Variants in PCDHA1 observed in about 807,000 individuals in gnomAD.
PCDHA1 encodes protocadherin alpha 1.
PCDHA1 carries 42 observed loss-of-function variants against 61.3 expected under a neutral mutation model. The observed-to-expected ratio is 0.69, with a 90% CI of 0.54 to 0.89. PCDHA1 has a LOEUF of 0.89. Ranked by LOEUF, PCDHA1 falls within the 40% of genes least tolerant of loss-of-function variation. PCDHA1 has a pLI of 0.00. For synonymous variants in PCDHA1, 610 were observed against 553.8 expected (o/e 1.10, Z -1.43); for missense variants, 1,256 against 1,235.3 (o/e 1.02, Z -0.25).
At chr5:140,802,838 C>T (rs782310533) in intron 1 of PCDHA1, 9 of 1,613,612 alleles carry the variant, frequency 5.6e-6, no homozygotes, top group Admixed American at 1.7e-5. Flanking sequence ...CTCTGGGCAG[C>T]AACGTGACGC....
intron 1 of PCDHA1, chr5:140,842,788 G>C: frequency 6.3e-7 from 1 of 1,594,522 alleles, no homozygotes; most frequent in Non-Finnish European, 8.6e-7. Context: ...AGAACGCGCT[G>C]GTGTCCTACT....
At chr5:140,918,510 A>G (rs1224635164) in intron 1 of PCDHA1, among the ~76,000 whole-genome samples, 1 of 152,144 alleles carries the variant, frequency 6.6e-6, no homozygotes, top group Non-Finnish European at 1.5e-5. Flanking sequence ...ATCCTTTTAA[A>G]CTTATTGAGG....
intron 1 of PCDHA1, chr5:140,966,584 G>C (rs1227691524): frequency 7.4e-6 from 4 of 541,586 alleles, no homozygotes; most frequent in African/African-American, 6.0e-5. Context: ...CAGCGAGGAC[G>C]GTGGGGCCAG....
At chr5:140,904,519 A>C (rs576512079) in intron 1 of PCDHA1, among the ~76,000 whole-genome samples, 2 of 152,174 alleles carry the variant, frequency 1.3e-5, no homozygotes, top group Non-Finnish European at 2.9e-5. Context: ...GTGCTGCTAT[A>C]AACTTGTGTG....
chr5:140,932,101 T>G (rs1281828369), intron 1 of PCDHA1, among the ~76,000 whole-genome samples: 6 of 151,958 alleles, frequency 3.9e-5, no homozygotes, highest in Non-Finnish European at 8.8e-5. Context: ...TTTTTATCTC[T>G]GTATTTCCAA....
intron 1 of PCDHA1, among the ~76,000 whole-genome samples, chr5:140,925,950 A>G (rs2082820493): frequency 6.6e-6 from 1 of 152,030 alleles, no homozygotes. Flanking sequence ...GGAGAAGGAG[A>G]AACTGCTATC....
intron 1 of PCDHA1, chr5:140,856,230 G>C (rs17844339): frequency 1.3e-6 from 2 of 1,597,950 alleles, no homozygotes; most frequent in African/African-American, 1.3e-5. Flanking sequence ...CTGGTGCAGC[G>C]CCTGTTCCGG....
intron 1 of PCDHA1, among the ~76,000 whole-genome samples, chr5:140,923,820 C>T (rs892649324): frequency 5.3e-4 from 80 of 152,224 alleles, no homozygotes; most frequent in African/African-American, 1.6e-3. Context: ...TGAAAATAGA[C>T]GTCAGTGGCA....
intron 1 of PCDHA1, among the ~76,000 whole-genome samples, chr5:140,924,894 C>CAAAAAAA (rs782133089): frequency 2.8e-5 from 2 of 71,470 alleles, no homozygotes; most frequent in African/African-American, 8.5e-5. Flanking sequence ...GAACCTGTCT[C>CAAAAAAA]AAAAAAAAAA....
intron 1 of PCDHA1, among the ~76,000 whole-genome samples, chr5:140,955,135 G>A (rs114298661): frequency 0.017 from 2,539 of 152,204 alleles, 31 homozygotes; most frequent in Middle Eastern, 0.034. Flanking sequence ...TGGTCTACAC[G>A]TCTGTTTTTG....
At chr5:140,900,512 G>T (rs1191935182) in intron 1 of PCDHA1, among the ~76,000 whole-genome samples, 4 of 152,300 alleles carry the variant, frequency 2.6e-5, no homozygotes, top group Middle Eastern at 3.4e-3. Context: ...CCCAGCCTCA[G>T]GTGATCTGCC....
In PCDHA1 at chr5:140,787,321, A is replaced by G. The variant is rs782569766; in HGVS notation, c.1031A>G (p.Asn344Ser). The G allele has an allele frequency of 5.6e-6, 9 of 1,614,172 alleles. No individual in the cohort carries two copies. Among genetic ancestry groups the G allele is most frequent in the Non-Finnish European group, 5.9e-6 (7 of 1,179,994 alleles). ...CKVLVKVLDVNDNAPELAVTS... is the reference protein window; with the variant it reads ...CKVLVKVLDVSDNAPELAVTS... ...GTTTTGGTGAAAGTGCTGGATGTAA[A>G]TGATAATGCTCCAGAACTGGCGGTC... The change falls in exon 1 of 4, where the codon AAT becomes AGT. Residue 344 changes from asparagine (N) to serine (S), a missense_variant. By Grantham distance (46) the Asn-to-Ser change is conservative. Coordinates refer to ENST00000504120, the MANE Select transcript of PCDHA1 (RefSeq NM_018900.4).
Position 140,928,044 on chromosome 5 carries a change from T to C in PCDHA1, c.2395-50905T>C, listed in dbSNP as rs782342331. The C allele has an allele frequency of 4.6e-5, 75 of 1,614,078 alleles. 1 individual carries two copies. The highest frequency in any genetic ancestry group is 3.0e-4 in the Admixed American group (18 of 60,006). On this transcript the variant is annotated intron_variant, in intron 1 of 3. Transcript: ENST00000504120. The stretch of plus-strand genomic sequence containing the variant: ...TTTGTGGCATGTCTAGTGCAGGCCC[T>C]TTTCAGCTGACGGCTTCCTTTGACA...
intron 3 of PCDHA1, among the ~76,000 whole-genome samples, chr5:140,997,754 G>A (rs1450156263): frequency 6.6e-6 from 1 of 151,922 alleles, no homozygotes; most frequent in Non-Finnish European, 1.5e-5. Context: ...ATCTTCTTGA[G>A]TAAGGATATA....
intron 1 of PCDHA1, chr5:140,841,783 A>G (rs1580976899): frequency 6.2e-7 from 1 of 1,613,912 alleles, no homozygotes; most frequent in Non-Finnish European, 8.5e-7. Flanking sequence ...GGTTTCCGCT[A>G]GAGGGCGCGT....
intron 1 of PCDHA1, chr5:140,850,770 T>C (rs2150497616): frequency 6.3e-7 from 1 of 1,598,038 alleles, no homozygotes; most frequent in Non-Finnish European, 8.6e-7. Flanking sequence ...GCAGAGGGTG[T>C]GCTCTGGCGA....
rs782109045 is a variant in PCDHA1 at position 140,856,427 on chromosome 5, G to C, written c.2394+67743G>C. ...GGACGTGGAAGTGAAGGACATTAAC[G>C]ACAACCCGCCCAGGTTCTCCGTAAC... On this transcript the variant is annotated intron_variant, in intron 1 of 3. Transcript: ENST00000504120. 9 of 1,598,364 alleles carry C rather than the reference G, an allele frequency of 5.6e-6. 1 individual carries two copies. Among genetic ancestry groups the C allele is most frequent in the South Asian group, 1.1e-5 (1 of 90,520 alleles).
At chr5:140,901,482 G>A (rs1348405650) in intron 1 of PCDHA1, among the ~76,000 whole-genome samples, 8 of 152,010 alleles carry the variant, frequency 5.3e-5, no homozygotes, top group African/African-American at 1.9e-4. Context: ...TATGTTCTTG[G>A]CACCTTCATC....
At chr5:140,975,552 G>A (rs1416724640) in intron 1 of PCDHA1, among the ~76,000 whole-genome samples, 1 of 152,200 alleles carries the variant, frequency 6.6e-6, no homozygotes, top group Non-Finnish European at 1.5e-5. Flanking sequence ...CTATTAGGAA[G>A]GAAAAGGAGA....
Sources: allele counts gnomAD v4.1 joint callset (sites outside exome capture counted in the v4.1 genomes callset), GRCh38; gene constraint gnomAD v4.1.1; transcripts MANE v1.5; gene names NCBI Gene and HGNC (gene_info 2026-07-23, HGNC 2026-07-21).